The following EPS8L1 variants were observed in gnomAD, a reference collection of about 807,000 sequenced individuals.
EPS8L1 encodes the protein EPS8 signaling adaptor L1, also known as epidermal growth factor receptor kinase substrate 8-like protein 1.
In EPS8L1, 101 loss-of-function variants were observed where a neutral mutation model predicts 91.7. The observed-to-expected ratio is 1.10, with a 90% CI of 0.94 to 1.30. The LOEUF (loss-of-function observed/expected upper bound fraction) is 1.30, where lower values mean the gene tolerates loss of function less well. EPS8L1 is among the 50% of genes most tolerant of loss of function. The probability of loss-of-function intolerance (pLI) is 0.00; values close to 1 mark genes in which losing one functional copy is unlikely to be tolerated. For synonymous variants in EPS8L1, 506 were observed against 445.3 expected, an observed-to-expected ratio of 1.14 and a Z score of -1.72; for missense variants, 1,114 against 1,017.0, an observed-to-expected ratio of 1.10 and a Z score of -1.30.
At chr19:55,082,211 G>T in intron 10 of EPS8L1, 31 bp downstream of exon 10, 2 of 1,590,732 alleles carry the variant, frequency 1.3e-6, no homozygotes, top group South Asian at 2.3e-5. Context: ...GGGCCGGGGC[G>T]CGGGCACGAC....
Position 55,085,948 on chromosome 19 carries a change from C to G in EPS8L1, c.1493C>G (p.Ser498Trp). 1.2e-6 allele frequency: 2 copies of G among 1,613,528 alleles called. No homozygotes were observed. The highest frequency in any genetic ancestry group is 1.7e-6 in the Non-Finnish European group (2 of 1,179,634). ...CAGGCCCGCAACAGCAGTGAGCTGTCGGTCAAGCAGCGGGACGTACTGGAG... is the reference window on the plus strand; with the variant it reads ...CAGGCCCGCAACAGCAGTGAGCTGTGGGTCAAGCAGCGGGACGTACTGGAG... ...DFQARNSSEL[S>W]VKQRDVLEVL... The change falls in exon 15 of 20, where the codon TCG becomes TGG. Residue 498 changes from serine to tryptophan, a missense_variant. Coordinates refer to ENST00000201647, the MANE Select transcript of EPS8L1 (RefSeq NM_133180.3).
chr19:55,087,009 G>A, intron 18 of EPS8L1, 121 bp downstream of exon 18: 12 of 1,295,240 alleles, frequency 9.3e-6, no homozygotes, highest in Middle Eastern at 2.8e-4. Context: ...GGATTAGCCC[G>A]AAGTGAGGGT....
chr19:55,086,079 AAGTGGTGGAAGGTTCGGG>A lies in EPS8L1; in HGVS notation c.1539_1556del (p.Lys513_Asp519delinsAsn). 1 of 1,598,160 alleles carries A rather than the reference AAGTGGTGGAAGGTTCGGG, an allele frequency of 6.3e-7. No individual in the cohort carries two copies. On this transcript the variant is annotated inframe_deletion, in exon 16 of 20. Transcript: ENST00000201647. ...CACCCAGGTCCTGGATGACAGTCGT[AAGTGGTGGAAGGTTCGGG>A]ACCCAGCGGGGCAGGAGGGATATGT...
intron 5 of EPS8L1, 62 bp from the exon 6 acceptor site, chr19:55,080,067 G>A (rs2076220908): frequency 2.7e-6 from 4 of 1,458,092 alleles, no homozygotes; most frequent in African/African-American, 2.8e-5. Flanking sequence ...CCACACTCCC[G>A]TCGCCATTTA....
chr19:55,087,525 C>T lies in EPS8L1; in HGVS notation c.2086-3C>T, dbSNP rs770431636. The T allele has an allele frequency of 1.1e-5, 17 of 1,614,134 alleles. No homozygotes were observed. In the South Asian group the frequency reaches 1.9e-4, roughly 18 times the overall value. ...ACAAAGCGATTTCCACCCCGCCCTCCAGGACAAAGAGAAAGTGTCAGAGCT... is the reference window on the plus strand; with the variant it reads ...ACAAAGCGATTTCCACCCCGCCCTCTAGGACAAAGAGAAAGTGTCAGAGCT... On this transcript the variant is annotated splice_region_variant and splice_polypyrimidine_tract_variant and intron_variant, in intron 19 of 19. Transcript: ENST00000201647.
In EPS8L1 at chr19:55,082,627, G is replaced by A. The variant is rs548005303; in HGVS notation, c.1214+25G>A. 3.2e-5 allele frequency: 49 copies of A among 1,542,906 alleles called. No homozygotes were observed. In the African/African-American group the frequency reaches 6.0e-4, roughly 19 times the overall value. On this transcript the variant is annotated intron_variant, in intron 12 of 19. Coordinates refer to ENST00000201647, the MANE Select transcript of EPS8L1 (RefSeq NM_133180.3). ...GGTGAGGGGCGGGGCTGGGAGGCAG[G>A]GGGCATGGTGATTGGAGGAGCATAA...
intron 17 of EPS8L1, 78 bp from the exon 18 acceptor site, chr19:55,086,636 C>CCCCCCCCCCCCCCCCCCCCGGG: frequency 2.6e-5 from 25 of 956,928 alleles, no homozygotes; most frequent in East Asian, 3.7e-5. Flanking sequence ...CGCTGGAGCG[C>CCCCCCCCCCCCCCCCCCCCGGG]CCCCCCGCCC....
chr19:55,086,486 A>C lies in EPS8L1; in HGVS notation c.1745A>C (p.Asp582Ala). 1.3e-6 allele frequency: 2 copies of C among 1,551,576 alleles called. No individual in the cohort carries two copies. Among genetic ancestry groups the C allele is most frequent in the Non-Finnish European group, 1.7e-6 (2 of 1,146,986 alleles). Reference sequence around the variant, plus strand: ...GACAGGCCCCGCTGGGACAGCTGCGATAGCCTCAACGGCTTGGACCCCAGC... The same window carrying C: ...GACAGGCCCCGCTGGGACAGCTGCGCTAGCCTCAACGGCTTGGACCCCAGC... ...RWDRPRWDSC[D>A]SLNGLDPSEK... Residue 582 changes from aspartate (D) to alanine (A), a missense_variant, in exon 17 of 20, where the codon GAT becomes GCT. Asp to Ala is a moderately radical substitution (Grantham distance 126). Coordinates refer to ENST00000201647, the MANE Select transcript of EPS8L1 (RefSeq NM_133180.3).
At position 55,087,310 on chromosome 19, in the gene EPS8L1, G is replaced by A; in HGVS notation, c.1960G>A (p.Asp654Asn). ...QAKGFSSGTVDALGVLTGAQL... is the reference protein window; with the variant it reads ...QAKGFSSGTVNALGVLTGAQL... ...CGGGCTGCCCTCGCTCAGGACCGTG[G>A]ACGCGCTGGGTGTGCTGACCGGGGC... The change falls in exon 19 of 20, where the codon GAC (aspartate) becomes AAC (asparagine). Residue 654 changes from aspartate to asparagine, a missense_variant. Physicochemically the swap from Asp to Asn is conservative, Grantham distance 23 (BLOSUM62 1). Coordinates refer to ENST00000201647, the MANE Select transcript of EPS8L1 (RefSeq NM_133180.3). 1 of 1,606,584 alleles carries A rather than the reference G, an allele frequency of 6.2e-7. No individual in the cohort carries two copies. The highest frequency in any genetic ancestry group is 1.3e-5 in the African/African-American group (1 of 74,868).
intron 1 of EPS8L1, among the ~76,000 whole-genome samples, chr19:55,076,157 G>C (rs61712477): frequency 1.5e-4 from 17 of 113,676 alleles, no homozygotes; most frequent in Non-Finnish European, 2.1e-4. Context: ...TCCTGGGTCT[G>C]AGGGAGGAGT....
rs1245248620 is a variant in EPS8L1 at position 55,081,910 on chromosome 19, C to A, written c.901+11C>A. ...GCCGGGCGGCTGGGGGTAAGGGGCA[C>A]CCTGGCGTGGGATCTGAACCCCCTC... On this transcript the variant is annotated intron_variant, in intron 9 of 19. Transcript: ENST00000201647. The surrounding 1 kb of genome is among the most constrained non-coding windows in gnomAD (Gnocchi z 4.9). The A allele has an allele frequency of 5.0e-6, 8 of 1,604,146 alleles. No individual in the cohort carries two copies. Among genetic ancestry groups the A allele is most frequent in the South Asian group, 1.1e-5 (1 of 90,516 alleles).
chr19:55,080,674 C>A (rs935713132), intron 6 of EPS8L1, 98 bp from the exon 7 acceptor site: 12 of 1,564,780 alleles, frequency 7.7e-6, no homozygotes, highest in Middle Eastern at 2.1e-4. Flanking sequence ...GGTAGCCGCA[C>A]GTGGGCTGGG....
chr19:55,076,461 G>A lies in EPS8L1; in HGVS notation c.17G>A (p.Gly6Asp), dbSNP rs1213325263. 7.4e-6 allele frequency: 12 copies of A among 1,611,990 alleles called. No individual in the cohort carries two copies. The highest frequency in any genetic ancestry group is 1.0e-5 in the Non-Finnish European group (12 of 1,179,142). ...CTCAGCACCATGAGCACCGCCACAG[G>A]GTAAGCGCCCCCGGACCCCAGGTCC... MSTAT[G>D]PEAAPKPSAK... The change falls in exon 2 of 20, where the codon GGC becomes GAC. Residue 6 changes from glycine (G) to aspartate (D), a missense_variant and splice_region_variant. Coordinates refer to ENST00000201647, the MANE Select transcript of EPS8L1 (RefSeq NM_133180.3).
At chr19:55,087,124 CCA>C in intron 18 of EPS8L1, 177 bp from the exon 19 acceptor site, 1 of 1,126,978 alleles carries the variant, frequency 8.9e-7, no homozygotes, top group Non-Finnish European at 1.2e-6. Context: ...CAGGATGCGG[CCA>C]CGCCCCCCGG....
chr19:55,086,898 G>T lies in EPS8L1; in HGVS notation c.1952+10G>T, dbSNP rs965792437. The T allele has an allele frequency of 8.4e-6, 12 of 1,420,260 alleles. No individual in the cohort carries two copies. In the African/African-American group the frequency reaches 1.2e-4, roughly 14 times the overall value. 88.0% of individuals were successfully genotyped at this position (1,420,260 alleles called of 1,614,324 possible). A position where few individuals can be genotyped will look rare whatever the true frequency, so the allele number is the denominator to read the frequency against. ...AGGGCTTTAGCTCCGGGTGAGTGGG[G>T]CCGGGGCCCTCTCGGCGCGGGTTGA... On this transcript the variant is annotated intron_variant, in intron 18 of 19. Coordinates refer to ENST00000201647, the MANE Select transcript of EPS8L1 (RefSeq NM_133180.3).
At chr19:55,086,037 C>T (rs1419269688) in intron 15 of EPS8L1, 24 bp from the exon 16 acceptor site, 14 of 1,596,938 alleles carry the variant, frequency 8.8e-6, no homozygotes, top group Non-Finnish European at 1.2e-5. Context: ...AGGCTCTGAA[C>T]CCTCTGTTCT....
intron 14 of EPS8L1, chr19:55,084,622 C>A (rs549420446): frequency 6.6e-6 from 1 of 152,242 alleles, no homozygotes; most frequent in South Asian, 2.1e-4. Flanking sequence ...GCCCTGAAGA[C>A]CCCCCCTCTC....
chr19:55,076,481 A>T lies in EPS8L1; in HGVS notation c.17+20A>T, dbSNP rs2076137542. 3.1e-6 allele frequency: 5 copies of T among 1,610,642 alleles called. No individual in the cohort carries two copies. Among genetic ancestry groups the T allele is most frequent in the Non-Finnish European group, 3.4e-6 (4 of 1,178,322 alleles). Reference sequence around the variant, plus strand: ...CACAGGGTAAGCGCCCCCGGACCCCAGGTCCCAGCCCCAGCACGCCTCCCG... The same window carrying T: ...CACAGGGTAAGCGCCCCCGGACCCCTGGTCCCAGCCCCAGCACGCCTCCCG... On this transcript the variant is annotated intron_variant, in intron 2 of 19. Transcript: ENST00000201647.
At chr19:55,087,086 C>T (rs1249729719) in intron 18 of EPS8L1, 198 bp downstream of exon 18, 12 of 1,061,710 alleles carry the variant, frequency 1.1e-5, no homozygotes, top group Middle Eastern at 3.2e-4. Context: ...GACTGGATTC[C>T]TTAGGGAAAT....
Sources: gnomAD v4.1 joint callset for allele counts (sites outside exome capture counted in the v4.1 genomes callset) on GRCh38, gnomAD v4.1.1 for gene constraint, Gnocchi (gnomAD v3.1) non-coding constraint, MANE v1.5 for transcripts, NCBI Gene and HGNC (gene_info 2026-07-23, HGNC 2026-07-21) for gene names.